SLC8A1: variants seen among roughly 807,000 people sequenced by gnomAD.
SLC8A1 encodes solute carrier family 8 member A1, also known as sodium/calcium exchanger 1.
A neutral mutation model predicts 68.3 loss-of-function variants in SLC8A1; 18 were observed. That is an observed-to-expected ratio of 0.26 (90% CI 0.18 to 0.39). The LOEUF (loss-of-function observed/expected upper bound fraction) is 0.39. Ranked by LOEUF, SLC8A1 falls within the 10% of genes least tolerant of loss-of-function variation. The probability of loss-of-function intolerance (pLI) is 1.00; values close to 1 mark genes in which losing one functional copy is unlikely to be tolerated. For synonymous variants in SLC8A1, 475 were observed against 415.5 expected (o/e 1.14, Z -1.74); for missense variants, 985 against 1,156.7 (o/e 0.85, Z 2.15).
At chr2:40,119,875 A>C (rs2036384753) in intron 7 of SLC8A1, among the ~76,000 whole-genome samples, 1 of 152,210 alleles carries the variant, frequency 6.6e-6, no homozygotes, top group Admixed American at 6.5e-5. Context: ...ATAAGAAGGA[A>C]GACTGTTGAG....
chr2:40,352,291 A>G (rs530079549), intron 2 of SLC8A1, among the ~76,000 whole-genome samples: 16 of 152,222 alleles, frequency 1.1e-4, no homozygotes, highest in African/African-American at 2.4e-4. Flanking sequence ...CCAGAAAATT[A>G]AGAACATTAT....
At chr2:40,202,870 G>C (rs2054655039) in intron 2 of SLC8A1, among the ~76,000 whole-genome samples, 1 of 152,112 alleles carries the variant, frequency 6.6e-6, no homozygotes, top group Admixed American at 6.6e-5. Flanking sequence ...TGCCCAGGTA[G>C]AATATATTGC....
chr2:40,281,296 G>A (rs373715125), intron 2 of SLC8A1, among the ~76,000 whole-genome samples: 10 of 152,226 alleles, frequency 6.6e-5, no homozygotes, highest in African/African-American at 2.4e-4. Flanking sequence ...GCTCTCAGAT[G>A]GCACAGCTGG....
chr2:40,237,073 A>G (rs1325799556), intron 2 of SLC8A1, among the ~76,000 whole-genome samples: 2 of 151,682 alleles, frequency 1.3e-5, no homozygotes, highest in Non-Finnish European at 2.9e-5. Context: ...GAATCTGACA[A>G]TTATGTGTCT....
chr2:40,296,421 A>T (rs550935083), intron 2 of SLC8A1, among the ~76,000 whole-genome samples: 34 of 152,312 alleles, frequency 2.2e-4, no homozygotes, highest in Non-Finnish European at 4.3e-4. Context: ...AAAAAAGTCA[A>T]AATTTGCCTC....
Position 40,362,155 on chromosome 2 carries a change from A to T in SLC8A1, c.1808+66318T>A, listed in dbSNP as rs567435617. ...AGTAATCCACTTGCCTCAGCCTCCC[A>T]TAGTGCTGGGATTACAGTAATGAGC... is the stretch of plus-strand genomic sequence containing the variant. On this transcript the variant is annotated intron_variant, in intron 2 of 7. Transcript: ENST00000406785. Among the ~76,000 whole-genome samples, 178 of 151,982 alleles carry T rather than the reference A, an allele frequency of 1.2e-3. 1 individual carries two copies. The highest frequency in any genetic ancestry group is 3.9e-3 in the African/African-American group (161 of 41,464).
At chr2:40,184,951 T>G (rs2050432335) in intron 2 of SLC8A1, among the ~76,000 whole-genome samples, 3 of 136,366 alleles carry the variant, frequency 2.2e-5, no homozygotes, top group African/African-American at 5.5e-5. Context: ...GGGCAAAGGA[T>G]CTGAATGGCA....
intron 2 of SLC8A1, among the ~76,000 whole-genome samples, chr2:40,338,874 T>A (rs1666837363): frequency 6.6e-6 from 1 of 151,152 alleles, no homozygotes; most frequent in Non-Finnish European, 1.5e-5. Context: ...GCGTGCTGTA[T>A]CTTATATGAG....
intron 2 of SLC8A1, among the ~76,000 whole-genome samples, chr2:40,315,653 G>A (rs2074346592): frequency 1.3e-5 from 2 of 151,886 alleles, no homozygotes; most frequent in Admixed American, 6.6e-5. Flanking sequence ...TGGATCACAT[G>A]CTCTTTAATG....
intron 2 of SLC8A1, among the ~76,000 whole-genome samples, chr2:40,397,918 C>T (rs1687496529): frequency 6.6e-6 from 1 of 152,176 alleles, no homozygotes; most frequent in African/African-American, 2.4e-5. Flanking sequence ...GGTTGGGTAG[C>T]TGCTGCCTTA....
In SLC8A1 at chr2:40,175,204, G is replaced by A. The variant is rs373626148; in HGVS notation, c.1913-362C>T. ...TCACAGAGCTACTGTATCACCTGAC[G>A]GAAATGGAAAATAATCTAGAAAAAT... On this transcript the variant is annotated intron_variant, in intron 3 of 7. Transcript: ENST00000406785. 1.6e-4 allele frequency: 252 copies of A among 1,552,720 alleles called. No individual in the cohort carries two copies. In the South Asian group the frequency reaches 2.3e-3, roughly 14 times the overall value.
At chr2:40,311,637 A>T (rs1331266842) in intron 2 of SLC8A1, among the ~76,000 whole-genome samples, 1 of 152,114 alleles carries the variant, frequency 6.6e-6, no homozygotes, top group African/African-American at 2.4e-5. Context: ...TCCATAAAGT[A>T]TTGACAATTG....
intron 2 of SLC8A1, among the ~76,000 whole-genome samples, chr2:40,404,414 G>C (rs1315975745): frequency 2.6e-5 from 4 of 152,092 alleles, no homozygotes; most frequent in Non-Finnish European, 4.4e-5. Context: ...CAGTAATTAT[G>C]ACAATACATT....
chr2:40,360,740 C>T (rs150702031), intron 2 of SLC8A1, among the ~76,000 whole-genome samples: 6 of 152,220 alleles, frequency 3.9e-5, no homozygotes, highest in Admixed American at 3.3e-4. Context: ...ACTCTCAACC[C>T]CTATGAGACA....
chr2:40,390,267 T>G (rs1014644712), intron 2 of SLC8A1, among the ~76,000 whole-genome samples: 3 of 152,128 alleles, frequency 2.0e-5, no homozygotes, highest in African/African-American at 7.2e-5. Flanking sequence ...CTGTTCAGCT[T>G]GCAATTGTCA....
At chr2:40,133,510 T>C (rs1217400416) in intron 7 of SLC8A1, among the ~76,000 whole-genome samples, 1 of 150,664 alleles carries the variant, frequency 6.6e-6, no homozygotes, top group Non-Finnish European at 1.5e-5. Context: ...ATTCGAAACA[T>C]AGGAAGGACA....
chr2:40,325,768 C>A (rs2075747839), intron 2 of SLC8A1, among the ~76,000 whole-genome samples: 2 of 58,126 alleles, frequency 3.4e-5, no homozygotes, highest in Admixed American at 2.7e-4. Context: ...CCTGTCTCTA[C>A]TAAAAATACA....
In SLC8A1 at chr2:40,158,529, A is replaced by T. The variant is rs1350105786; in HGVS notation, c.2161+2236T>A. On this transcript the variant is annotated intron_variant, in intron 6 of 7. Coordinates refer to ENST00000406785, the Ensembl canonical transcript of SLC8A1. Reference sequence around the variant, plus strand: ...ATATTGTATGACAAGAAGACTTGAGAGGTTTCATATCTCAGTTATTAACAA... The same window carrying T: ...ATATTGTATGACAAGAAGACTTGAGTGGTTTCATATCTCAGTTATTAACAA... Among the ~76,000 whole-genome samples the T allele has an allele frequency of 2.6e-5, 4 of 152,176 alleles. No homozygotes were observed. In the East Asian group the frequency reaches 7.7e-4, roughly 29 times the overall value.
chr2:40,422,872 A>G (rs1365752192), intron 2 of SLC8A1, among the ~76,000 whole-genome samples: 3 of 152,172 alleles, frequency 2.0e-5, no homozygotes, highest in Non-Finnish European at 4.4e-5. Flanking sequence ...CTAGATCCAT[A>G]ATTTATTAGC....
Sources: gnomAD v4.1 joint callset for allele counts (sites outside exome capture counted in the v4.1 genomes callset) on GRCh38, gnomAD v4.1.1 for gene constraint, MANE v1.5 for transcripts, NCBI Gene and HGNC (gene_info 2026-07-23, HGNC 2026-07-21) for gene names.